Variants in INSR observed in about 807,000 individuals in gnomAD.
INSR encodes the protein insulin receptor, also known as IR.
In INSR, 67 loss-of-function variants were observed where a neutral mutation model predicts 142.6. That is an observed-to-expected ratio of 0.47 (90% CI 0.39 to 0.58). The LOEUF is 0.58. INSR is among the 20% of genes least tolerant of loss of function. The probability of loss-of-function intolerance (pLI) is 0.00; values close to 1 mark genes in which losing one functional copy is unlikely to be tolerated. For missense variants in INSR, 1,248 were observed against 1,833.2 expected (o/e 0.68, Z 5.83); for synonymous variants, 756 against 743.1 (o/e 1.02, Z -0.28).
intron 1 of INSR, among the ~76,000 whole-genome samples, chr19:7,277,390 G>A (rs541609424): frequency 6.6e-6 from 1 of 151,870 alleles, no homozygotes; most frequent in Non-Finnish European, 1.5e-5. Flanking sequence ...CAGGCCCAGG[G>A]GGACTCTCAA....
chr19:7,132,039 G>C, intron 14 of INSR, 119 bp downstream of exon 14: 2 of 1,240,064 alleles, frequency 1.6e-6, no homozygotes, highest in Non-Finnish European at 2.4e-6. Flanking sequence ...CAGCTGATAG[G>C]CCTGAGAGTC....
In INSR at chr19:7,232,473, C is replaced by T. The variant is rs1005814464; in HGVS notation, c.652+34872G>A. On this transcript the variant is annotated intron_variant, in intron 2 of 21. Coordinates refer to ENST00000302850, the MANE Select transcript of INSR (RefSeq NM_000208.4). Reference sequence around the variant, plus strand: ...CCTGTCAAAGTGTTGGGATGACAGGCGTGAGCCACTGCACCCCGGCCATGT... The same window carrying T: ...CCTGTCAAAGTGTTGGGATGACAGGTGTGAGCCACTGCACCCCGGCCATGT... 9.9e-5 allele frequency among the ~76,000 whole-genome samples: 15 copies of T among 152,178 alleles called. 2 individuals are homozygous for T. The highest frequency in any genetic ancestry group is 6.5e-4 in the Admixed American group (10 of 15,278).
At chr19:7,228,271 C>T (rs950828590) in intron 2 of INSR, among the ~76,000 whole-genome samples, 11 of 152,124 alleles carry the variant, frequency 7.2e-5, no homozygotes, top group African/African-American at 2.7e-4. Context: ...AAAATTGAGG[C>T]GGGGGCTTAA....
rs531613079 is a variant in INSR at position 7,124,541 on chromosome 19, GAAAAAAAAAAAAAAAAA to G, written c.3258+725_3258+741del. On this transcript the variant is annotated intron_variant, in intron 17 of 21. Transcript: ENST00000302850. ...ACAACAAAGCGAGACTCCGTTTCAGGAAAAAAAAAAAAAAAAAAAAAAAAAAAAAAAAAAAAAAAAAA... is the reference window on the plus strand; with the variant it reads ...ACAACAAAGCGAGACTCCGTTTCAGGAAAAAAAAAAAAAAAAAAAAAAAAA... 5.0e-4 allele frequency among the ~76,000 whole-genome samples: 5 copies of G among 9,920 alleles called. 1 individual carries two copies. The highest frequency in any genetic ancestry group is 4.5e-3 in the Admixed American group (2 of 446). The allele number at this position is 9,920 out of a possible 152,430, so 6.5% of individuals were successfully genotyped here. A position where few individuals can be genotyped will look rare whatever the true frequency, so the allele number is the denominator to read the frequency against.
chr19:7,152,431 C>G, intron 10 of INSR: 2 of 441,984 alleles, frequency 4.5e-6, no homozygotes, highest in Admixed American at 3.5e-5. Flanking sequence ...AATCGTCTAA[C>G]GGAGTTTGTT....
At chr19:7,242,764 C>G (rs1976398706) in intron 2 of INSR, among the ~76,000 whole-genome samples, 1 of 138,702 alleles carries the variant, frequency 7.2e-6, no homozygotes, top group Admixed American at 7.2e-5. Flanking sequence ...ACAGCTACAA[C>G]TCTGCAACTC....
In INSR at chr19:7,166,032, T is replaced by TAAAA. The variant is rs57156578; in HGVS notation, c.1861+118_1861+121dup. Reference sequence around the variant, plus strand: ...CTGGGTGACAAAGTAAGACCCTGTCTAAAAAAAAAAAAAAAGCCAATAACC... The same window carrying TAAAA: ...CTGGGTGACAAAGTAAGACCCTGTCTAAAAAAAAAAAAAAAAAAAGCCAATAACC... On this transcript the variant is annotated intron_variant, in intron 8 of 21. Transcript: ENST00000302850. This position sits in a 1 kb window ranked among gnomAD's most constrained non-coding sequence, Gnocchi z 4.1. 21 of 968,620 alleles carry TAAAA rather than the reference T, an allele frequency of 2.2e-5. No individual in the cohort carries two copies. Among genetic ancestry groups the TAAAA allele is most frequent in the Non-Finnish European group, 2.4e-5 (16 of 660,124 alleles). The allele number at this position is 968,620 out of a possible 1,614,324, so 60.0% of individuals were successfully genotyped here.
chr19:7,238,269 C>T (rs1976223543), intron 2 of INSR, among the ~76,000 whole-genome samples: 1 of 152,158 alleles, frequency 6.6e-6, no homozygotes, highest in South Asian at 2.1e-4. Context: ...CCACATTCCA[C>T]ATCAACATAG....
intron 19 of INSR, 136 bp downstream of exon 19, chr19:7,122,478 A>AC (rs1396434479): frequency 2.1e-6 from 2 of 936,050 alleles, no homozygotes; most frequent in East Asian, 5.0e-5. Flanking sequence ...AACAAAAAAA[A>AC]CCCCACAAAA....
chr19:7,239,947 T>G (rs56312883), intron 2 of INSR, among the ~76,000 whole-genome samples: 23,302 of 152,230 alleles, frequency 0.15, 2,002 homozygotes, highest in Non-Finnish European at 0.19. Flanking sequence ...TTTTTTGGTT[T>G]TTTTTGAGAC....
At chr19:7,221,624 C>T (rs1455619147) in intron 2 of INSR, among the ~76,000 whole-genome samples, 1 of 151,904 alleles carries the variant, frequency 6.6e-6, no homozygotes, top group African/African-American at 2.4e-5. Flanking sequence ...AGGAGAATCG[C>T]TTGAACCTGA....
intron 1 of INSR, among the ~76,000 whole-genome samples, chr19:7,280,275 C>CA (rs889787647): frequency 1.5e-4 from 22 of 151,070 alleles, no homozygotes; most frequent in Admixed American, 4.0e-4. Context: ...TAACAAAAAA[C>CA]AAAAAAACAA....
Position 7,142,825 on chromosome 19 carries a change from T to C in INSR, c.2533A>G (p.Met845Val). Residue 845 changes from methionine to valine, a missense_variant, in exon 12 of 22, where the codon ATG becomes GTG. Around this residue, in one of 3 missense-constraint regions of INSR, gnomAD observed 1,069 missense variants for 1,654.0 expected, o/e 0.65. Transcript: ENST00000302850. ...GGAGCAGCAGCCCTACCTTCAGGCA[T>C]GGTCCTCGCACTGACGTAGGCTGCC... Reference protein sequence around the residue: ...SVAAYVSARTMPEAKADDIVG... With the variant: ...SVAAYVSARTVPEAKADDIVG... 2 of 1,614,038 alleles carry C rather than the reference T, an allele frequency of 1.2e-6. No individual in the cohort carries two copies. Among genetic ancestry groups the C allele is most frequent in the Non-Finnish European group, 1.7e-6 (2 of 1,180,020 alleles).
intron 2 of INSR, among the ~76,000 whole-genome samples, chr19:7,200,929 C>G (rs893135827): frequency 3.3e-5 from 5 of 151,186 alleles, no homozygotes; most frequent in Non-Finnish European, 7.4e-5. Flanking sequence ...TTTGTGGTTG[C>G]CGAGTCACAG....
chr19:7,158,438 T>C (rs988707943), intron 9 of INSR, among the ~76,000 whole-genome samples: 29 of 151,996 alleles, frequency 1.9e-4, no homozygotes, highest in Admixed American at 9.2e-4. Context: ...GAGGCGGAGC[T>C]TGCAGTGAGC....
intron 8 of INSR, among the ~76,000 whole-genome samples, chr19:7,164,989 C>T (rs552055278): frequency 3.3e-5 from 5 of 151,902 alleles, no homozygotes; most frequent in East Asian, 1.9e-4. Context: ...ATTAGCTGGG[C>T]GTGGTGGCAC....
intron 1 of INSR, among the ~76,000 whole-genome samples, chr19:7,273,382 A>G (rs1015532168): frequency 1.3e-5 from 2 of 152,150 alleles, no homozygotes; most frequent in African/African-American, 4.8e-5. Context: ...CTGGCTTTTA[A>G]CATCTCTGAG....
At chr19:7,274,100 C>A (rs909960422) in intron 1 of INSR, among the ~76,000 whole-genome samples, 1 of 151,898 alleles carries the variant, frequency 6.6e-6, no homozygotes, top group African/African-American at 2.4e-5. Flanking sequence ...GCACCAGGGA[C>A]CAATGGTAGA....
chr19:7,160,587 T>A (rs1973722115), intron 9 of INSR, among the ~76,000 whole-genome samples: 1 of 152,056 alleles, frequency 6.6e-6, no homozygotes, highest in Admixed American at 6.6e-5. Flanking sequence ...ATTGTGCCAC[T>A]GCACTCCAGC....
Sources: gnomAD v4.1 joint callset for allele counts (sites outside exome capture counted in the v4.1 genomes callset) on GRCh38, gnomAD v4.1.1 for gene constraint, gnomAD v4.1.1 regional missense constraint, Gnocchi (gnomAD v3.1) non-coding constraint, MANE v1.5 for transcripts, NCBI Gene and HGNC (gene_info 2026-07-23, HGNC 2026-07-21) for gene names.